TSPAN7: variants seen among roughly 807,000 people sequenced by gnomAD.
TSPAN7 encodes the protein tetraspanin 7, also known as tetraspanin-7.
In TSPAN7, 1 loss-of-function variant was observed where a neutral mutation model predicts 17.6. That is an observed-to-expected ratio of 0.06 (90% CI 0.02 to 0.27). The LOEUF (loss-of-function observed/expected upper bound fraction) is 0.27, where lower values mean the gene tolerates loss of function less well. TSPAN7 is among the 10% of genes least tolerant of loss of function. The probability of loss-of-function intolerance (pLI) is 1.00; values close to 1 mark genes in which losing one functional copy is unlikely to be tolerated. For missense variants in TSPAN7, 112 were observed against 201.7 expected (o/e 0.56, Z 2.69); for synonymous variants, 78 against 79.0 (o/e 0.99, Z 0.07).
intron 1 of TSPAN7, among the ~76,000 whole-genome samples, chrX:38,567,923 T>G (rs779171679): frequency 5.4e-5 from 6 of 111,828 alleles, no homozygotes; most frequent in Non-Finnish European, 9.4e-5. Context: ...TAGGTAAACC[T>G]AGTCACAGCT....
rs536060824 is a variant in TSPAN7 at position 38,659,664 on chromosome X, A to ATTTT, written c.82-6445_82-6442dup. Among the ~76,000 whole-genome samples the ATTTT allele has an allele frequency of 1.6e-3, 163 of 99,300 alleles. 3 individuals are homozygous for ATTTT. In the South Asian group the frequency reaches 0.028, roughly 17 times the overall value. The allele number at this position is 99,300 out of a possible 115,157, so 86.2% of individuals were successfully genotyped here. On this transcript the variant is annotated intron_variant, in intron 1 of 7. Transcript: ENST00000378482. ...AAGAGCTCTAACATTTTTAATTCTA[A>ATTTT]TTTTTTTTTTTTTTTGAGATGGAGG...
intron 1 of TSPAN7, among the ~76,000 whole-genome samples, chrX:38,635,464 A>G (rs1422569053): frequency 4.5e-5 from 5 of 111,294 alleles, no homozygotes; most frequent in Non-Finnish European, 7.5e-5. Context: ...CTTCTATACT[A>G]TTTCCATTTC....
Position 38,666,181 on chromosome X carries a change from A to G in TSPAN7, c.142A>G (p.Ile48Val). Residue 48 changes from isoleucine to valine, a missense_variant, in exon 2 of 8, where the codon ATC becomes GTC. By Grantham distance (29) the Ile-to-Val change is conservative (BLOSUM62 3). Transcript: ENST00000378482. ...GGGCAAACTTACTCTGGGCACCTAT[A>G]TCTCCCTTATTGCCGAGAACTCCAC... ...VWGKLTLGTY[I>V]SLIAENSTNA... is the part of the protein sequence containing the mutation. 1 of 1,209,504 alleles carries G rather than the reference A, an allele frequency of 8.3e-7. No individual in the cohort carries two copies. Among genetic ancestry groups the G allele is most frequent in the Non-Finnish European group, 1.1e-6 (1 of 894,805 alleles).
chrX:38,562,550 G>T (rs7879031), intron 1 of TSPAN7, among the ~76,000 whole-genome samples: 12,753 of 102,500 alleles, frequency 0.12, 1,017 homozygotes, highest in African/African-American at 0.26. Flanking sequence ...CTTTCTGCGC[G>T]GGGGAGGGGG....
chrX:38,663,756 C>T (rs1223984123), intron 1 of TSPAN7, among the ~76,000 whole-genome samples: 2 of 112,074 alleles, frequency 1.8e-5, no homozygotes, highest in Non-Finnish European at 3.8e-5. Context: ...TTTGTGTTAA[C>T]TTTGACATAC....
At chrX:38,678,992 G>A (rs2069872869) in intron 5 of TSPAN7, among the ~76,000 whole-genome samples, 1 of 111,645 alleles carries the variant, frequency 9.0e-6, no homozygotes, top group Non-Finnish European at 1.9e-5. Flanking sequence ...AAGAAATACT[G>A]CTCATTCAAG....
At chrX:38,664,280 TCTGTGCCTGGCA>T (rs2069768718) in intron 1 of TSPAN7, among the ~76,000 whole-genome samples, 2 of 112,093 alleles carry the variant, frequency 1.8e-5, no homozygotes, top group African/African-American at 6.5e-5. Flanking sequence ...AAGCATTTAC[TCTGTGCCTGGCA>T]CTGTGCTAGG....
intron 1 of TSPAN7, among the ~76,000 whole-genome samples, chrX:38,564,178 A>G: frequency 9.7e-6 from 1 of 103,471 alleles, no homozygotes; most frequent in Non-Finnish European, 2.0e-5. Context: ...CTAAGCAACC[A>G]CTACTTTCTG....
intron 1 of TSPAN7, among the ~76,000 whole-genome samples, chrX:38,625,749 T>G (rs2069518687): frequency 9.0e-6 from 1 of 111,540 alleles, no homozygotes; most frequent in Non-Finnish European, 1.9e-5. Flanking sequence ...CATCTTTGAT[T>G]TTGAGAATTG....
chrX:38,651,373 G>A (rs959322913), intron 1 of TSPAN7, among the ~76,000 whole-genome samples: 1 of 111,302 alleles, frequency 9.0e-6, no homozygotes, highest in Non-Finnish European at 1.9e-5. Flanking sequence ...GCTGAGGCAG[G>A]AGAATGGCAT....
At chrX:38,592,719 A>G (rs2147406493) in intron 1 of TSPAN7, among the ~76,000 whole-genome samples, 1 of 109,714 alleles carries the variant, frequency 9.1e-6, no homozygotes, top group Admixed American at 9.7e-5. Flanking sequence ...TTTTATTTTT[A>G]TTTCTTTTTA....
At chrX:38,669,824 A>G (rs1192666138) in intron 2 of TSPAN7, among the ~76,000 whole-genome samples, 2 of 112,337 alleles carry the variant, frequency 1.8e-5, no homozygotes, top group African/African-American at 6.5e-5. Context: ...ACTTCTGACT[A>G]CAGAGATAAA....
chrX:38,567,201 T>C (rs1259844025), intron 1 of TSPAN7, among the ~76,000 whole-genome samples: 1 of 112,276 alleles, frequency 8.9e-6, no homozygotes, highest in Non-Finnish European at 1.9e-5. Flanking sequence ...GGCACTGTAT[T>C]AGTCTGTTCT....
intron 1 of TSPAN7, among the ~76,000 whole-genome samples, chrX:38,654,710 G>A (rs775212216): frequency 1.7e-3 from 125 of 74,033 alleles, no homozygotes; most frequent in Admixed American, 2.4e-3. Flanking sequence ...ATTGGCCCTG[G>A]GGATACACCC....
At position 38,664,782 on chromosome X, in the gene TSPAN7, G is replaced by A. The variant is rs148675475; in HGVS notation, c.82-1339G>A. On this transcript the variant is annotated intron_variant, in intron 1 of 7. Coordinates refer to ENST00000378482, the MANE Select transcript of TSPAN7 (RefSeq NM_004615.4). ...AGACAGGCTGCCAGGGTGGGGAAGT[G>A]TCACCAAACTCTAGTTGTTTTTACT... Among the ~76,000 whole-genome samples, 466 of 111,929 alleles carry A rather than the reference G, an allele frequency of 4.2e-3. 2 individuals carry two copies. The highest frequency in any genetic ancestry group is 0.014 in the African/African-American group (441 of 30,816).
intron 1 of TSPAN7, among the ~76,000 whole-genome samples, chrX:38,658,698 G>C (rs1435268691): frequency 9.0e-6 from 1 of 110,766 alleles, no homozygotes. Flanking sequence ...AAGATTCGTT[G>C]TTCCCGCTTA....
intron 1 of TSPAN7, among the ~76,000 whole-genome samples, chrX:38,614,545 T>C (rs1260653171): frequency 8.9e-6 from 1 of 112,583 alleles, no homozygotes; most frequent in Non-Finnish European, 1.9e-5. Context: ...AAGATCTCTA[T>C]GAGTTAACTG....
rs141136358 is a variant in TSPAN7, at chrX:38,618,460, G to A, written c.82-47661G>A. Reference sequence around the variant, plus strand: ...GTTGGGTGGGTGTTCTTGATAGCGTGTATTTGGAAGTTACTGTCAAGTCAG... The same window carrying A: ...GTTGGGTGGGTGTTCTTGATAGCGTATATTTGGAAGTTACTGTCAAGTCAG... On this transcript the variant is annotated intron_variant, in intron 1 of 7. Coordinates refer to ENST00000378482, the MANE Select transcript of TSPAN7 (RefSeq NM_004615.4). 2.7e-3 allele frequency among the ~76,000 whole-genome samples: 301 copies of A among 111,704 alleles called. 1 individual carries two copies. Among genetic ancestry groups the A allele is most frequent in the African/African-American group, 9.1e-3 (281 of 30,722 alleles).
rs1288840272 is a variant in TSPAN7 at position 38,591,277 on chromosome X, T to G, written c.81+29650T>G. Among the ~76,000 whole-genome samples, 16 of 111,909 alleles carry G rather than the reference T, an allele frequency of 1.4e-4. No individual in the cohort carries two copies. The Admixed American group carries it at 1.5e-3, about 11-fold the overall frequency. On this transcript the variant is annotated intron_variant, in intron 1 of 7. Transcript: ENST00000378482. The stretch of plus-strand genomic sequence containing the variant: ...TATTTTTAATTTCTCTTTTGATTTT[T>G]TTCTTTAATCCGTGGATGACTTGGA...
Sources: gnomAD v4.1 joint callset for allele counts (sites outside exome capture counted in the v4.1 genomes callset) on GRCh38, gnomAD v4.1.1 for gene constraint, MANE v1.5 for transcripts, NCBI Gene and HGNC (gene_info 2026-07-23, HGNC 2026-07-21) for gene names.